Variants in ADCY8 observed in about 807,000 individuals in gnomAD.
The protein encoded by ADCY8 is adenylate cyclase type 8.
In ADCY8, 51 loss-of-function variants were observed where a neutral mutation model predicts 119.7. The observed-to-expected ratio is 0.43, with a 90% CI of 0.34 to 0.54. ADCY8 has a LOEUF of 0.54. Among genes scored for constraint, ADCY8 ranks in the 20% least tolerant of loss-of-function variants. ADCY8 has a pLI of 0.03. For synonymous variants in ADCY8, 665 were observed against 651.0 expected, an observed-to-expected ratio of 1.02 and a Z score of -0.33; for missense variants, 1,383 against 1,598.8, an observed-to-expected ratio of 0.87 and a Z score of 2.30.
At chr8:131,027,575 T>A (rs755843902) in intron 1 of ADCY8, among the ~76,000 whole-genome samples, 12 of 152,106 alleles carry the variant, frequency 7.9e-5, no homozygotes, top group Non-Finnish European at 1.3e-4. Context: ...ACCCCAGCAA[T>A]GGAAGACTAA....
intron 8 of ADCY8, among the ~76,000 whole-genome samples, chr8:130,871,713 A>G (rs560025016): frequency 3.3e-5 from 5 of 152,190 alleles, no homozygotes; most frequent in South Asian, 4.1e-4. Flanking sequence ...GTGTTGACTG[A>G]TTTTTCCACC....
At chr8:130,830,316 A>C (rs1816793427) in intron 12 of ADCY8, among the ~76,000 whole-genome samples, 1 of 152,202 alleles carries the variant, frequency 6.6e-6, no homozygotes, top group East Asian at 1.9e-4. Flanking sequence ...AGTAAGGAGC[A>C]GATAAGATGG....
At chr8:130,821,990 A>T (rs1816524749) in intron 12 of ADCY8, among the ~76,000 whole-genome samples, 1 of 152,214 alleles carries the variant, frequency 6.6e-6, no homozygotes, top group African/African-American at 2.4e-5. Flanking sequence ...GATACTAATT[A>T]TTATGCTTCT....
intron 7 of ADCY8, among the ~76,000 whole-genome samples, chr8:130,901,968 C>T (rs544568013): frequency 2.0e-4 from 31 of 152,238 alleles, no homozygotes; most frequent in Non-Finnish European, 3.8e-4. Flanking sequence ...TTCAAGCATT[C>T]CTATACAGTT....
chr8:130,890,772 G>A (rs1423942173), intron 7 of ADCY8, among the ~76,000 whole-genome samples: 4 of 152,230 alleles, frequency 2.6e-5, no homozygotes, highest in Admixed American at 2.6e-4. Flanking sequence ...ACCAGCACCT[G>A]GGCTAACTTC....
intron 1 of ADCY8, among the ~76,000 whole-genome samples, chr8:130,992,933 G>A (rs1822646679): frequency 6.6e-6 from 1 of 152,010 alleles, no homozygotes; most frequent in Non-Finnish European, 1.5e-5. Flanking sequence ...GGTTAACTGT[G>A]AACAAAACTA....
chr8:130,807,575 G>A (rs934042313), intron 14 of ADCY8, among the ~76,000 whole-genome samples: 21 of 152,206 alleles, frequency 1.4e-4, no homozygotes, highest in Non-Finnish European at 3.1e-4. Context: ...AGAGTTTAAA[G>A]TGCCATCGTG....
chr8:131,035,763 T>C (rs1256000606), intron 1 of ADCY8, among the ~76,000 whole-genome samples: 3 of 152,180 alleles, frequency 2.0e-5, no homozygotes, highest in Non-Finnish European at 4.4e-5. Flanking sequence ...GCTAACTCTA[T>C]ACTCCCATTT....
intron 5 of ADCY8, among the ~76,000 whole-genome samples, chr8:130,915,092 T>C (rs895499059): frequency 6.6e-6 from 1 of 152,204 alleles, no homozygotes; most frequent in African/African-American, 2.4e-5. Flanking sequence ...TTCTTCATGG[T>C]GAGATTCCAT....
chr8:131,037,161 A>G (rs1218854307), intron 1 of ADCY8, among the ~76,000 whole-genome samples: 2 of 152,158 alleles, frequency 1.3e-5, no homozygotes, highest in Non-Finnish European at 2.9e-5. Flanking sequence ...TTGTTCTTTT[A>G]GAGTTTTGGT....
chr8:130,878,102 A>G (rs763721807), intron 8 of ADCY8, among the ~76,000 whole-genome samples: 1 of 152,192 alleles, frequency 6.6e-6, no homozygotes, highest in Non-Finnish European at 1.5e-5. Flanking sequence ...GGGGCAGACA[A>G]TCATACTCAT....
At chr8:130,903,541 A>AAG (rs1161401669) in intron 7 of ADCY8, among the ~76,000 whole-genome samples, 1 of 149,426 alleles carries the variant, frequency 6.7e-6, no homozygotes. Context: ...AAAAAAAAAA[A>AAG]AGAGAGAGAG....
intron 9 of ADCY8, among the ~76,000 whole-genome samples, chr8:130,861,806 C>CT (rs934250458): frequency 5.8e-4 from 85 of 146,718 alleles, no homozygotes; most frequent in African/African-American, 1.6e-3. Context: ...TTATCTATAG[C>CT]TTTTTTTTTT....
chr8:130,999,298 T>A (rs1204429954), intron 1 of ADCY8, among the ~76,000 whole-genome samples: 1 of 152,188 alleles, frequency 6.6e-6, no homozygotes, highest in Non-Finnish European at 1.5e-5. Flanking sequence ...TGAATTCTTC[T>A]GGAACAGGAA....
In ADCY8 at chr8:130,785,492, C is replaced by T. The variant is rs1815222559; in HGVS notation, c.3061-17G>A. ...ACCAAGCAACTGAAAGAGAGCCAGG[C>T]AATGGTGTTAGCCCTGGTGTTTATT... On this transcript the variant is annotated splice_polypyrimidine_tract_variant and intron_variant, in intron 15 of 17. Transcript: ENST00000286355. The T allele has an allele frequency of 1.9e-6, 3 of 1,595,964 alleles. No homozygotes were observed. Among genetic ancestry groups the T allele is most frequent in the Non-Finnish European group, 2.6e-6 (3 of 1,169,190 alleles).
At chr8:130,793,003 C>T (rs982475990) in intron 15 of ADCY8, among the ~76,000 whole-genome samples, 7 of 152,144 alleles carry the variant, frequency 4.6e-5, no homozygotes, top group African/African-American at 1.4e-4. Flanking sequence ...CCAGGAGCTG[C>T]GGCCCAAGTC....
rs201993149 is a variant in ADCY8 at position 130,780,761 on chromosome 8, G to A, written c.3385C>T (p.Arg1129Trp). The change falls in exon 18 of 18, where the codon CGG becomes TGG. Residue 1129 changes from arginine (R) to tryptophan (W), a missense_variant. By Grantham distance (101) the Arg-to-Trp change is moderately radical. Coordinates refer to ENST00000286355, the MANE Select transcript of ADCY8 (RefSeq NM_001115.3). ...TAGGTCTCCTCTGGGACTTGGATCC[G>A]GCCACTAACCCCCGTGCTGTCCATT... Reference protein sequence around the residue: ...SRMDSTGVSGRIQVPEETYLI... With the variant: ...SRMDSTGVSGWIQVPEETYLI... The A allele has an allele frequency of 3.8e-5, 62 of 1,614,218 alleles. No individual in the cohort carries two copies. The Middle Eastern group carries it at 4.9e-4, about 13-fold the overall frequency.
intron 15 of ADCY8, among the ~76,000 whole-genome samples, chr8:130,794,805 A>G (rs1448089389): frequency 6.6e-6 from 1 of 152,218 alleles, no homozygotes; most frequent in Non-Finnish European, 1.5e-5. Context: ...CAATGACCCT[A>G]CTGTATCTCA....
chr8:130,871,158 G>T (rs1035247665), intron 8 of ADCY8, among the ~76,000 whole-genome samples: 1 of 152,234 alleles, frequency 6.6e-6, no homozygotes, highest in Admixed American at 6.5e-5. Context: ...AGAGTACTGA[G>T]ATTGATTAGT....
Sources: gnomAD v4.1 joint callset for allele counts (sites outside exome capture counted in the v4.1 genomes callset) on GRCh38, gnomAD v4.1.1 for gene constraint, MANE v1.5 for transcripts, NCBI Gene and HGNC (gene_info 2026-07-23, HGNC 2026-07-21) for gene names.